Variants in SUPT7L observed in about 807,000 individuals in gnomAD.
SUPT7L encodes SPT7 like, STAGA complex subunit gamma, also known as STAGA complex 65 subunit gamma.
SUPT7L carries 15 observed loss-of-function variants against 35.7 expected under a neutral mutation model. The observed-to-expected ratio is 0.42, with a 90% CI of 0.28 to 0.65. SUPT7L has a LOEUF of 0.65. Among genes scored for constraint, SUPT7L ranks in the 30% least tolerant of loss-of-function variants. The pLI is 0.23. For synonymous variants in SUPT7L, 168 were observed against 186.2 expected (o/e 0.90, Z 0.79); for missense variants, 434 against 522.2 (o/e 0.83, Z 1.65).
intron 5 of SUPT7L, 94 bp downstream of exon 5, chr2:27,655,271 G>A (rs2148111817): frequency 8.6e-7 from 1 of 1,157,858 alleles, no homozygotes; most frequent in East Asian, 2.4e-5. Context: ...TGCTGCTTTT[G>A]TTCTTCTACC....
intron 3 of SUPT7L, 23 bp downstream of exon 3, chr2:27,660,961 G>C (rs1345701797): frequency 6.3e-7 from 1 of 1,599,740 alleles, no homozygotes; most frequent in Admixed American, 1.7e-5. Context: ...AGAAAAGTAA[G>C]ATACAGCAAA....
intron 3 of SUPT7L, among the ~76,000 whole-genome samples, 185 bp downstream of exon 3, chr2:27,660,799 C>G (rs1216896402): frequency 6.6e-6 from 1 of 152,026 alleles, no homozygotes; most frequent in African/African-American, 2.4e-5. Context: ...AAATACAGAC[C>G]CTGAATTCTG....
Position 27,661,044 on chromosome 2 carries a change from CAATCT to C in SUPT7L, c.354_358del (p.Asp119Ter). On this transcript the variant is annotated frameshift_variant, in exon 3 of 6. Coordinates refer to ENST00000337768, the MANE Select transcript of SUPT7L (RefSeq NM_014860.3). LOFTEE classifies it high-confidence loss of function. Reference sequence around the variant, plus strand: ...CTGGAATGGTGCATTGGGATTCTTACAATCTAAAGGCAGGAGGTCATCAGGGAGAG... The same window carrying C: ...CTGGAATGGTGCATTGGGATTCTTACAAAGGCAGGAGGTCATCAGGGAGAG... 6.2e-7 allele frequency: 1 copy of C among 1,614,144 alleles called. No homozygotes were observed. Among genetic ancestry groups the C allele is most frequent in the Non-Finnish European group, 8.5e-7 (1 of 1,180,012 alleles).
rs375776447 is a variant in SUPT7L, at chr2:27,655,350, G to T, written c.982+15C>A. The stretch of plus-strand genomic sequence containing the variant: ...GATCTCCCAGAATCAAAGTGAGTAA[G>T]TTTATTTGTCTTACTTGAAGCCTGT... On this transcript the variant is annotated intron_variant, in intron 5 of 5. Transcript: ENST00000337768. 25 of 1,526,442 alleles carry T rather than the reference G, an allele frequency of 1.6e-5. No homozygotes were observed. The East Asian group carries it at 5.5e-4, about 34-fold the overall frequency. The allele number at this position is 1,526,442 out of a possible 1,614,324, so 94.6% of individuals were successfully genotyped here.
chr2:27,653,853 A>C (rs925563955), intron 5 of SUPT7L, 106 bp from the exon 6 acceptor site: 1 of 1,385,180 alleles, frequency 7.2e-7, no homozygotes. Context: ...CTTTGAGCTC[A>C]GTTTTCACTC....
downstream of SUPT7L, among the ~76,000 whole-genome samples, chr2:27,646,501 AT>A (rs925460407): frequency 6.6e-6 from 1 of 151,846 alleles, no homozygotes; most frequent in African/African-American, 2.4e-5. Context: ...TGAATTAAAA[AT>A]TTTTTTTTAG....
chr2:27,642,612 T>C, the SUPT7L span: 3 of 797,882 alleles, frequency 3.8e-6, no homozygotes, highest in Non-Finnish European at 6.2e-6. Flanking sequence ...GTTTCACTCT[T>C]GTTGCCCAGG....
Position 27,662,220 on chromosome 2 carries a change from A to G in SUPT7L, c.-28T>C. ...TCCATATGTCTCTTCAAGTTCAACA[A>G]ACATTTATCAAATGCCAGGCATTCT... On this transcript the variant is annotated 5_prime_UTR_variant, in exon 2 of 6. Transcript: ENST00000337768. The G allele has an allele frequency of 6.2e-7, 1 of 1,613,300 alleles. No homozygotes were observed. The highest frequency in any genetic ancestry group is 1.1e-5 in the South Asian group (1 of 91,060).
chr2:27,662,956 T>C (rs1220482868), intron 1 of SUPT7L, among the ~76,000 whole-genome samples: 3 of 140,380 alleles, frequency 2.1e-5, no homozygotes, highest in South Asian at 2.5e-4. Flanking sequence ...TTTTCTTTTT[T>C]TTTTTTTTTT....
chr2:27,655,729 G>A, intron 4 of SUPT7L, 127 bp from the exon 5 acceptor site: 2 of 816,568 alleles, frequency 2.4e-6, no homozygotes, highest in Non-Finnish European at 3.9e-6. Context: ...CACTGCCAAT[G>A]GGAGGGATTT....
At position 27,652,980 on chromosome 2, in the gene SUPT7L, G is replaced by A. The variant is rs563133537; in HGVS notation, c.*505C>T. On this transcript the variant is annotated 3_prime_UTR_variant, in exon 6 of 6. Coordinates refer to ENST00000337768, the MANE Select transcript of SUPT7L (RefSeq NM_014860.3). The stretch of plus-strand genomic sequence containing the variant: ...GTGACTAATAGATAAGGTGTGTTGT[G>A]TTTAGCTATTTCCTGTTAGGTATTA... The A allele has an allele frequency of 1.4e-4, 22 of 160,078 alleles. No individual in the cohort carries two copies. The highest frequency in any genetic ancestry group is 4.8e-4 in the African/African-American group (20 of 41,590). The allele number at this position is 160,078 out of a possible 1,614,324, so 9.9% of individuals were successfully genotyped here.
the SUPT7L span, among the ~76,000 whole-genome samples, chr2:27,642,785 G>A: frequency 3.3e-5 from 5 of 151,794 alleles, no homozygotes; most frequent in Non-Finnish European, 5.9e-5. Flanking sequence ...GGCTGGTCTC[G>A]AACTCCTGAC....
At chr2:27,648,743 C>T (rs1268962802), downstream of SUPT7L, among the ~76,000 whole-genome samples, 1 of 152,182 alleles carries the variant, frequency 6.6e-6, no homozygotes, top group Non-Finnish European at 1.5e-5. Context: ...TCAAGTGATT[C>T]TCCCACTTCA....
chr2:27,662,418 A>C, intron 1 of SUPT7L, 137 bp from the exon 2 acceptor site: 1 of 518,912 alleles, frequency 1.9e-6, no homozygotes, highest in Non-Finnish European at 3.5e-6. Context: ...CTTTGTTCTA[A>C]CAACATTATA....
rs370287900 is a variant in SUPT7L, at chr2:27,661,253, G to T, written c.150C>A (p.Pro50=). The change falls in exon 3 of 6, where the codon CCC becomes CCA. Residue 50 remains proline (P), a synonymous_variant. Coordinates refer to ENST00000337768, the MANE Select transcript of SUPT7L (RefSeq NM_014860.3). The part of the protein sequence containing the change: ...HQPSANKPKP[P]TMLDIPSEPC... ...GCTCTGAGGGGATGTCCAGCATAGT[G>T]GGGGGCTTCGGCTTGTTGGCTGAGG... 2 of 1,613,482 alleles carry T rather than the reference G, an allele frequency of 1.2e-6. No homozygotes were observed. The highest frequency in any genetic ancestry group is 1.7e-6 in the Non-Finnish European group (2 of 1,179,582).
rs945413244 is a variant in SUPT7L at position 27,655,550 on chromosome 2, G to T, written c.797C>A (p.Ala266Asp). The T allele has an allele frequency of 6.2e-7, 1 of 1,613,298 alleles. No homozygotes were observed. The highest frequency in any genetic ancestry group is 1.3e-5 in the African/African-American group (1 of 74,964). ...CTTCACAGGTTTAGCGTCCTCTGTG[G>T]CCTTCTCAGGATTGACAATCCTTTC... ...EYERIVNPEKATEDAKPVKIK... is the reference protein window; with the variant it reads ...EYERIVNPEKDTEDAKPVKIK... Residue 266 changes from alanine to aspartate, a missense_variant, in exon 5 of 6, where the codon GCC becomes GAC. By Grantham distance (126) the Ala-to-Asp change is moderately radical. Transcript: ENST00000337768.
chr2:27,642,958 T>TAAAC, the SUPT7L span, among the ~76,000 whole-genome samples: 6 of 122,610 alleles, frequency 4.9e-5, no homozygotes, highest in Non-Finnish European at 1.0e-4. Context: ...TATATATATA[T>TAAAC]ACACACACAC....
chr2:27,642,628 G>T, the SUPT7L span: 1 of 686,236 alleles, frequency 1.5e-6, no homozygotes. Flanking sequence ...CCAGGCTGGA[G>T]TCTCGGCTCA....
At position 27,653,542 on chromosome 2, in the gene SUPT7L, G is replaced by A. The variant is rs1674655033; in HGVS notation, c.1188C>T (p.Leu396=). Reference sequence around the variant, plus strand: ...GGTTGAAAACAGGGGAGGACCCCATGAGGCTGTCAGTGGAGTGGGAACCAT... The same window carrying A: ...GGTTGAAAACAGGGGAGGACCCCATAAGGCTGTCAGTGGAGTGGGAACCAT... ...SSYGSHSTDS[L]MGSSPVFNQR... The change falls in exon 6 of 6, where the codon CTC becomes CTT. Residue 396 remains leucine, a synonymous_variant. Transcript: ENST00000337768. 2 of 1,614,110 alleles carry A rather than the reference G, an allele frequency of 1.2e-6. No individual in the cohort carries two copies. Among genetic ancestry groups the A allele is most frequent in the African/African-American group, 1.3e-5 (1 of 74,934 alleles).
Sources: allele counts gnomAD v4.1 joint callset (sites outside exome capture counted in the v4.1 genomes callset), GRCh38; gene constraint gnomAD v4.1.1; transcripts MANE v1.5; gene names NCBI Gene and HGNC (gene_info 2026-07-23, HGNC 2026-07-21).